The following BOD1L1 variants were observed in gnomAD, a reference collection of about 807,000 sequenced individuals.
The protein encoded by BOD1L1 is biorientation of chromosomes in cell division protein 1-like 1.
BOD1L1 carries 86 observed loss-of-function variants against 240.7 expected under a neutral mutation model. That is an observed-to-expected ratio of 0.36 (90% CI 0.30 to 0.43). The LOEUF is 0.43. BOD1L1 is among the 20% of genes least tolerant of loss of function. The pLI, the probability that BOD1L1 is intolerant of heterozygous loss-of-function variation, is 1.00. For synonymous variants in BOD1L1, 1,268 were observed against 1,272.3 expected (o/e 1.00, Z 0.07); for missense variants, 3,554 against 3,643.5 (o/e 0.98, Z 0.63).
Position 13,602,417 on chromosome 4 carries a change from A to C in BOD1L1, c.4483T>G (p.Leu1495Val), listed in dbSNP as rs140364517. 3.2e-5 allele frequency: 52 copies of C among 1,613,822 alleles called. No individual in the cohort carries two copies. The African/African-American group carries it at 6.4e-4, about 20-fold the overall frequency. ...SAGSGSAPSV[L>V]HQRNGQTEDV... The stretch of plus-strand genomic sequence containing the variant: ...TCAGTTTGTCCGTTCCTTTGGTGTA[A>C]AACAGAGGGTGCAGAGCCACTTCCA... Residue 1495 changes from leucine to valine, a missense_variant, in exon 10 of 26, where the codon TTA becomes GTA. Leu to Val is a conservative substitution (Grantham distance 32). Transcript: ENST00000040738.
chr4:13,624,262 G>T (rs1244412747), intron 1 of BOD1L1: 1 of 151,948 alleles, frequency 6.6e-6, no homozygotes, highest in African/African-American at 2.4e-5. Context: ...TTAAGCTAGC[G>T]TCTGAGCACC....
intron 17 of BOD1L1, among the ~76,000 whole-genome samples, chr4:13,584,912 T>C (rs1221210027): frequency 6.6e-6 from 1 of 152,222 alleles, no homozygotes; most frequent in Non-Finnish European, 1.5e-5. Context: ...ATTAAGATGA[T>C]ATTAAATAAA....
intron 16 of BOD1L1, among the ~76,000 whole-genome samples, chr4:13,587,481 C>T (rs938425921): frequency 2.0e-5 from 3 of 152,114 alleles, no homozygotes; most frequent in Non-Finnish European, 4.4e-5. Context: ...GTCTGAGATC[C>T]AGCGGTTGGG....
intron 12 of BOD1L1, among the ~76,000 whole-genome samples, chr4:13,595,074 T>C (rs534858691): frequency 6.6e-6 from 1 of 152,302 alleles, no homozygotes; most frequent in African/African-American, 2.4e-5. Flanking sequence ...TTTGCAAAAA[T>C]GCAAAACAAT....
At chr4:13,596,209 T>C (rs938258352) in intron 11 of BOD1L1, among the ~76,000 whole-genome samples, 24 of 152,234 alleles carry the variant, frequency 1.6e-4, no homozygotes, top group Non-Finnish European at 3.2e-4. Context: ...CACACAAGAC[T>C]CTTCCTGATG....
chr4:13,596,908 A>T (rs1015937086), intron 11 of BOD1L1, among the ~76,000 whole-genome samples, 196 bp downstream of exon 11: 5 of 152,202 alleles, frequency 3.3e-5, no homozygotes, highest in African/African-American at 4.8e-5. Context: ...TGAGTAAATG[A>T]ACTGATGATA....
rs1445214632 is a variant in BOD1L1 at position 13,601,830 on chromosome 4, A to G, written c.5070T>C (p.Val1690=). The change falls in exon 10 of 26, where the codon GTT becomes GTC. Residue 1690 remains valine, a synonymous_variant. Coordinates refer to ENST00000040738, the MANE Select transcript of BOD1L1 (RefSeq NM_148894.3). ...FISEVESDGA[V]TSAGTEIRAG... is the part of the protein sequence containing the mutation. ...CTCTTATCTCTGTTCCAGCACTTGTAACTGCTCCATCACTTTCAACTTCAC... is the reference window on the plus strand; with the variant it reads ...CTCTTATCTCTGTTCCAGCACTTGTGACTGCTCCATCACTTTCAACTTCAC... 6.2e-7 allele frequency: 1 copy of G among 1,613,934 alleles called. No homozygotes were observed. Among genetic ancestry groups the G allele is most frequent in the South Asian group, 1.1e-5 (1 of 91,076 alleles).
intron 12 of BOD1L1, among the ~76,000 whole-genome samples, chr4:13,595,609 G>A (rs745324867): frequency 5.5e-4 from 83 of 152,154 alleles, no homozygotes; most frequent in Non-Finnish European, 1.9e-4. Context: ...AACAACTTTC[G>A]TTTTGCATTA....
intron 21 of BOD1L1, 93 bp from the exon 22 acceptor site, chr4:13,580,066 G>T: frequency 1.1e-6 from 1 of 912,692 alleles, no homozygotes; most frequent in Non-Finnish European, 1.7e-6. Context: ...GGTGGTATAG[G>T]ATCTTTATTT....
At chr4:13,587,575 C>A in intron 16 of BOD1L1, 124 bp downstream of exon 16, 1 of 695,986 alleles carries the variant, frequency 1.4e-6, no homozygotes, top group Non-Finnish European at 2.4e-6. Context: ...AACAAATTAG[C>A]CTCAAGACTT....
At chr4:13,589,499 C>T (rs865871007) in intron 14 of BOD1L1, among the ~76,000 whole-genome samples, 21 of 152,254 alleles carry the variant, frequency 1.4e-4, no homozygotes, top group Middle Eastern at 3.4e-3. Flanking sequence ...AATCTTAGAA[C>T]GCTGCTGAAT....
intron 14 of BOD1L1, 85 bp from the exon 15 acceptor site, chr4:13,588,877 G>C: frequency 1.1e-6 from 1 of 902,092 alleles, no homozygotes; most frequent in Non-Finnish European, 1.6e-6. Context: ...AGGGGGCTGG[G>C]AGAAAACTGA....
rs372138136 is a variant in BOD1L1 at position 13,582,649 on chromosome 4, C to T, written c.8518+3G>A. ...AATTTACCCAAGCAGATATTTTACTCACCTTTTTCTTCCATGACCCTTGAG... is the reference window on the plus strand; with the variant it reads ...AATTTACCCAAGCAGATATTTTACTTACCTTTTTCTTCCATGACCCTTGAG... On this transcript the variant is annotated splice_donor_region_variant and intron_variant, in intron 18 of 25. Coordinates refer to ENST00000040738, the MANE Select transcript of BOD1L1 (RefSeq NM_148894.3). The T allele has an allele frequency of 1.9e-6, 3 of 1,604,500 alleles. No homozygotes were observed. The highest frequency in any genetic ancestry group is 1.3e-5 in the African/African-American group (1 of 74,630).
intron 6 of BOD1L1, among the ~76,000 whole-genome samples, chr4:13,610,374 C>T (rs1055751947): frequency 6.6e-6 from 1 of 152,212 alleles, no homozygotes; most frequent in Non-Finnish European, 1.5e-5. Context: ...CATTTCCATA[C>T]TGTGAAGCAC....
intron 21 of BOD1L1, 46 bp downstream of exon 21, chr4:13,580,974 G>T: frequency 6.6e-7 from 1 of 1,522,142 alleles, no homozygotes; most frequent in East Asian, 2.4e-5. Context: ...CCGTTTTTCA[G>T]GTTAAGAGCA....
chr4:13,582,265 T>C lies in BOD1L1; in HGVS notation c.8564A>G (p.Asn2855Ser), dbSNP rs766597027. 4.3e-6 allele frequency: 7 copies of C among 1,613,594 alleles called. No homozygotes were observed. Among genetic ancestry groups the C allele is most frequent in the Non-Finnish European group, 5.9e-6 (7 of 1,179,760 alleles). Residue 2855 changes from asparagine (N) to serine (S), a missense_variant, in exon 19 of 26, where the codon AAC (asparagine) becomes AGC (serine). Physicochemically the swap from Asn to Ser is conservative, Grantham distance 46. Coordinates refer to ENST00000040738, the MANE Select transcript of BOD1L1 (RefSeq NM_148894.3). ...CTGAGATTTTATGGTGTCATCATCG[T>C]TCTGCTCTGGCTTTTCACCAGTAGT... ...SETTGEKPEQ[N>S]DDDTIKSQEE...
Position 13,601,360 on chromosome 4 carries a change from CCAG to C in BOD1L1, c.5537_5539del (p.Ala1846del), listed in dbSNP as rs761563969. 1.9e-6 allele frequency: 3 copies of C among 1,614,054 alleles called. No individual in the cohort carries two copies. The South Asian group carries it at 3.3e-5, about 18-fold the overall frequency. ...CACAATGCCTTCATCATCACAAGGACCAGCAGCAACTAATGGTACATTAGTGCC... is the reference window on the plus strand; with the variant it reads ...CACAATGCCTTCATCATCACAAGGACCAGCAACTAATGGTACATTAGTGCC... On this transcript the variant is annotated inframe_deletion, in exon 10 of 26. Transcript: ENST00000040738.
chr4:13,623,672 A>G (rs1349167645), intron 1 of BOD1L1: 1 of 152,214 alleles, frequency 6.6e-6, no homozygotes, highest in Non-Finnish European at 1.5e-5. Context: ...GGGGGGTTCT[A>G]TGGTCTTCTG....
intron 13 of BOD1L1, among the ~76,000 whole-genome samples, chr4:13,591,067 T>TA (rs35497916): frequency 6.6e-6 from 1 of 151,104 alleles, no homozygotes; most frequent in Admixed American, 6.6e-5. Context: ...TGTATTTTAT[T>TA]AAAAAAAAAA....
Sources: allele counts gnomAD v4.1 joint callset (sites outside exome capture counted in the v4.1 genomes callset), GRCh38; gene constraint gnomAD v4.1.1; transcripts MANE v1.5; gene names NCBI Gene and HGNC (gene_info 2026-07-23, HGNC 2026-07-21).